DNAJC1: variants seen among roughly 807,000 people sequenced by gnomAD.
The protein encoded by DNAJC1 is DnaJ heat shock protein family (Hsp40) member C1, also known as dnaJ homolog subfamily C member 1.
DNAJC1 carries 58 observed loss-of-function variants against 76.6 expected under a neutral mutation model. The ratio of observed to expected loss-of-function variants is 0.76; its 90% CI spans 0.61 to 0.94. The LOEUF (loss-of-function observed/expected upper bound fraction) is 0.94. Among genes scored for constraint, DNAJC1 ranks in the 40% least tolerant of loss-of-function variants. DNAJC1 has a pLI of 0.00. For missense variants in DNAJC1, 689 were observed against 677.3 expected, an observed-to-expected ratio of 1.02 and a Z score of -0.19; for synonymous variants, 258 against 267.9, an observed-to-expected ratio of 0.96 and a Z score of 0.36.
At chr10:21,960,466 C>T (rs1232317789) in intron 1 of DNAJC1, among the ~76,000 whole-genome samples, 1 of 152,172 alleles carries the variant, frequency 6.6e-6, no homozygotes, top group Admixed American at 6.5e-5. Flanking sequence ...TATCACAGCA[C>T]TTTAGGAGAC....
intron 1 of DNAJC1, among the ~76,000 whole-genome samples, chr10:21,985,823 G>A (rs1341475263): frequency 1.3e-5 from 2 of 152,122 alleles, no homozygotes; most frequent in African/African-American, 4.8e-5. Flanking sequence ...GAATAATGCT[G>A]CAATGAACAC....
In DNAJC1 at chr10:21,929,240, G is replaced by A. The variant is rs1479778275; in HGVS notation, c.223-99C>T. On this transcript the variant is annotated intron_variant, in intron 1 of 11. Coordinates refer to ENST00000376980, the MANE Select transcript of DNAJC1 (RefSeq NM_022365.4). ...GATCTGAGAAGACAGCCAACCAAGTGCAGGACCCCAGGCAATGTAATTTGA... is the reference window on the plus strand; with the variant it reads ...GATCTGAGAAGACAGCCAACCAAGTACAGGACCCCAGGCAATGTAATTTGA... 3 of 748,670 alleles carry A rather than the reference G, an allele frequency of 4.0e-6. No individual in the cohort carries two copies. The African/African-American group carries it at 5.4e-5, about 13-fold the overall frequency. The allele number at this position is 748,670 out of a possible 1,614,324, so 46.4% of individuals were successfully genotyped here.
chr10:21,794,914 T>C (rs1401993992), intron 9 of DNAJC1, among the ~76,000 whole-genome samples: 1 of 152,202 alleles, frequency 6.6e-6, no homozygotes, highest in Non-Finnish European at 1.5e-5. Flanking sequence ...TTTATTTGCA[T>C]TTTGTAATAT....
chr10:21,766,394 G>T, intron 9 of DNAJC1, 85 bp from the exon 10 acceptor site: 1 of 988,140 alleles, frequency 1.0e-6, no homozygotes, highest in South Asian at 1.3e-5. Context: ...AGCTCCATGT[G>T]AATGAACACA....
At chr10:21,849,109 A>G (rs1485009039) in intron 8 of DNAJC1, among the ~76,000 whole-genome samples, 1 of 151,684 alleles carries the variant, frequency 6.6e-6, no homozygotes, top group African/African-American at 2.4e-5. Flanking sequence ...GGCCAACATG[A>G]CAAAACCCTG....
chr10:21,928,126 G>A (rs1052491703), intron 3 of DNAJC1, among the ~76,000 whole-genome samples: 13 of 152,080 alleles, frequency 8.5e-5, no homozygotes, highest in Non-Finnish European at 1.8e-4. Context: ...TTAAGGAATG[G>A]GGGGGAAAAG....
At chr10:21,950,841 A>T (rs1837582358) in intron 1 of DNAJC1, among the ~76,000 whole-genome samples, 1 of 152,166 alleles carries the variant, frequency 6.6e-6, no homozygotes. Flanking sequence ...CAAGGTCCTA[A>T]CTCTCTTCAT....
chr10:21,783,358 C>T (rs1034599964), intron 9 of DNAJC1, among the ~76,000 whole-genome samples: 25 of 152,202 alleles, frequency 1.6e-4, no homozygotes, highest in African/African-American at 4.1e-4. Context: ...TGTGAAGGAC[C>T]TCTTCAAGGA....
At chr10:21,963,216 A>T (rs1223527446) in intron 1 of DNAJC1, among the ~76,000 whole-genome samples, 1 of 152,238 alleles carries the variant, frequency 6.6e-6, no homozygotes, top group Non-Finnish European at 1.5e-5. Flanking sequence ...ACAGCTATTT[A>T]TAATTAGTAC....
intron 8 of DNAJC1, among the ~76,000 whole-genome samples, chr10:21,823,693 G>C (rs1835195456): frequency 6.6e-6 from 1 of 151,304 alleles, no homozygotes; most frequent in Non-Finnish European, 1.5e-5. Context: ...GAGTTGTCTT[G>C]GGTCAGACAT....
At chr10:21,765,219 TA>T (rs978856999) in intron 10 of DNAJC1, among the ~76,000 whole-genome samples, 1 of 152,146 alleles carries the variant, frequency 6.6e-6, no homozygotes, top group South Asian at 2.1e-4. Context: ...TGAATTCTTT[TA>T]AAAAAATTTT....
chr10:21,888,129 A>G (rs1335307313), intron 7 of DNAJC1, among the ~76,000 whole-genome samples: 1 of 152,144 alleles, frequency 6.6e-6, no homozygotes, highest in African/African-American at 2.4e-5. Flanking sequence ...TAAGCACATG[A>G]AAAAAAGCTC....
intron 1 of DNAJC1, among the ~76,000 whole-genome samples, chr10:21,949,176 T>C (rs149176880): frequency 3.3e-5 from 5 of 152,266 alleles, no homozygotes; most frequent in Non-Finnish European, 7.4e-5. Context: ...TAACCAGTTT[T>C]AAAATGAGGG....
At chr10:21,808,273 T>C (rs547621912) in intron 8 of DNAJC1, among the ~76,000 whole-genome samples, 5 of 152,308 alleles carry the variant, frequency 3.3e-5, no homozygotes, top group African/African-American at 1.2e-4. Context: ...ATAATTTCTA[T>C]TTTTAACAGA....
chr10:21,791,082 T>C (rs1405869578), intron 9 of DNAJC1, among the ~76,000 whole-genome samples: 1 of 152,186 alleles, frequency 6.6e-6, no homozygotes, highest in African/African-American at 2.4e-5. Context: ...CATAGCTATA[T>C]TTATATCATA....
intron 8 of DNAJC1, among the ~76,000 whole-genome samples, chr10:21,816,388 T>G (rs1239918108): frequency 6.6e-6 from 1 of 151,654 alleles, no homozygotes; most frequent in Non-Finnish European, 1.5e-5. Flanking sequence ...TTTTTCCTTT[T>G]GGATTGCCTT....
intron 1 of DNAJC1, chr10:21,933,366 C>T (rs535815646): frequency 3.3e-5 from 5 of 152,664 alleles, no homozygotes; most frequent in Admixed American, 6.5e-5. Context: ...GCTAGAACCT[C>T]CAAACAAGCT....
chr10:21,982,717 TAAA>T (rs576398958), intron 1 of DNAJC1, among the ~76,000 whole-genome samples: 8 of 127,150 alleles, frequency 6.3e-5, no homozygotes, highest in African/African-American at 8.3e-5. Context: ...ATAGCTATCA[TAAA>T]AAAAAAAAAA....
At chr10:21,966,429 T>C (rs1216928339) in intron 1 of DNAJC1, among the ~76,000 whole-genome samples, 3 of 82,072 alleles carry the variant, frequency 3.7e-5, no homozygotes, top group Admixed American at 2.3e-4. Context: ...GTTTATCTAG[T>C]GGTGATTTTT....
Sources: gnomAD v4.1 joint callset for allele counts (sites outside exome capture counted in the v4.1 genomes callset) on GRCh38, gnomAD v4.1.1 for gene constraint, MANE v1.5 for transcripts, NCBI Gene and HGNC (gene_info 2026-07-23, HGNC 2026-07-21) for gene names.